The following FIP1L1 variants were observed in gnomAD, a reference collection of about 807,000 sequenced individuals.
FIP1L1 encodes the protein pre-mRNA 3'-end-processing factor FIP1.
A neutral mutation model predicts 84.6 loss-of-function variants in FIP1L1; 21 were observed. The ratio of observed to expected loss-of-function variants is 0.25; its 90% confidence interval spans 0.18 to 0.36. The LOEUF is 0.36. Ranked by LOEUF, FIP1L1 falls within the 10% of genes least tolerant of loss-of-function variation. The pLI is 1.00. For synonymous variants in FIP1L1, 263 were observed against 242.3 expected (o/e 1.09, Z -0.80); for missense variants, 526 against 751.1 (o/e 0.70, Z 3.50).
chr4:53,459,553 G>A lies in FIP1L1; in HGVS notation c.*104G>A. Reference sequence around the variant, plus strand: ...AGAAATTTACCTTAAATCTTGTTCTGTTTGTTAGTATGAAAAGTTAACTTT... The same window carrying A: ...AGAAATTTACCTTAAATCTTGTTCTATTTGTTAGTATGAAAAGTTAACTTT... On this transcript the variant is annotated 3_prime_UTR_variant, in exon 18 of 18. Transcript: ENST00000337488. 1 of 1,497,942 alleles carries A rather than the reference G, an allele frequency of 6.7e-7. No homozygotes were observed. The highest frequency in any genetic ancestry group is 9.1e-7 in the Non-Finnish European group (1 of 1,093,780). 92.8% of individuals were successfully genotyped at this position (1,497,942 alleles called of 1,614,324 possible).
chr4:53,393,556 G>A (rs1273664182), intron 9 of FIP1L1, among the ~76,000 whole-genome samples: 1 of 146,010 alleles, frequency 6.8e-6, no homozygotes, highest in Non-Finnish European at 1.5e-5. Context: ...TTTTTAAAAA[G>A]CAAAATAAAA....
chr4:53,411,571 T>A (rs1757244704), intron 10 of FIP1L1, among the ~76,000 whole-genome samples: 1 of 152,116 alleles, frequency 6.6e-6, no homozygotes, highest in Non-Finnish European at 1.5e-5. Context: ...AAACAGTAAA[T>A]GTTATTCATA....
intron 5 of FIP1L1, among the ~76,000 whole-genome samples, chr4:53,385,029 A>G (rs1414907121): frequency 6.6e-6 from 1 of 152,120 alleles, no homozygotes. Flanking sequence ...TACCCATGTA[A>G]TTTTAAAATC....
At chr4:53,417,660 A>G (rs1293052720) in intron 11 of FIP1L1, among the ~76,000 whole-genome samples, 3 of 150,288 alleles carry the variant, frequency 2.0e-5, no homozygotes, top group Non-Finnish European at 4.4e-5. Context: ...AAAAAAAAAA[A>G]AAAAAAGAAA....
At chr4:53,452,131 C>T (rs1716421598) in intron 15 of FIP1L1, among the ~76,000 whole-genome samples, 1 of 152,104 alleles carries the variant, frequency 6.6e-6, no homozygotes, top group Non-Finnish European at 1.5e-5. Context: ...ATCCACCCAC[C>T]TCGGCCTCCC....
At chr4:53,393,838 T>C (rs1745804514) in intron 9 of FIP1L1, among the ~76,000 whole-genome samples, 3 of 146,020 alleles carry the variant, frequency 2.1e-5, no homozygotes, top group South Asian at 2.2e-4. Flanking sequence ...TTTACAGTTA[T>C]GTGTCTTGGT....
At chr4:53,434,918 A>G (rs996349068) in intron 13 of FIP1L1, among the ~76,000 whole-genome samples, 1 of 152,202 alleles carries the variant, frequency 6.6e-6, no homozygotes, top group African/African-American at 2.4e-5. Flanking sequence ...CCCTTGAGGA[A>G]GTACACTTTT....
At chr4:53,384,630 G>A (rs2054589) in intron 5 of FIP1L1, among the ~76,000 whole-genome samples, 19,754 of 152,092 alleles carry the variant, frequency 0.13, 2,559 homozygotes, top group African/African-American at 0.32. Flanking sequence ...TTAGGCCAAT[G>A]TTTGTCTCCA....
chr4:53,411,008 A>G (rs1181761577), intron 10 of FIP1L1, among the ~76,000 whole-genome samples: 2 of 152,308 alleles, frequency 1.3e-5, no homozygotes, highest in African/African-American at 4.8e-5. Context: ...TTTTCTTGAA[A>G]TTAATGGCCA....
Position 53,460,792 on chromosome 4 carries a change from G to A in FIP1L1, c.*1343G>A. On this transcript the variant is annotated 3_prime_UTR_variant, in exon 18 of 18. Transcript: ENST00000337488. ...TTCATTAGATGATCATACTTTTCCT[G>A]ACATTTTTACAATGTATTCTTTCTT... 1 of 1,079,086 alleles carries A rather than the reference G, an allele frequency of 9.3e-7. No individual in the cohort carries two copies. The allele number at this position is 1,079,086 out of a possible 1,614,324, so 66.8% of individuals were successfully genotyped here. A position where few individuals can be genotyped will look rare whatever the true frequency, so the allele number is the denominator to read the frequency against.
intron 12 of FIP1L1, among the ~76,000 whole-genome samples, chr4:53,426,191 A>G (rs1764267948): frequency 6.6e-6 from 1 of 152,072 alleles, no homozygotes. Flanking sequence ...GTAGAAACAT[A>G]GTACAGGTTG....
At chr4:53,381,208 G>A (rs949233400) in intron 3 of FIP1L1, among the ~76,000 whole-genome samples, 5 of 152,148 alleles carry the variant, frequency 3.3e-5, no homozygotes, top group Admixed American at 6.5e-5. Context: ...ACTTCCAAAA[G>A]AGTAGGCCTA....
In FIP1L1 at chr4:53,432,623, T is replaced by C. The variant is rs1767291337; in HGVS notation, c.1174+4440T>C. On this transcript the variant is annotated intron_variant, in intron 13 of 17. Coordinates refer to ENST00000337488, the MANE Select transcript of FIP1L1 (RefSeq NM_030917.4). ...TGAATGCTCACTTTTCAGGGTACTA[T>C]TCTGAGTACATTCCATGTGTTAACT... Among the ~76,000 whole-genome samples, 4 of 152,320 alleles carry C rather than the reference T, an allele frequency of 2.6e-5. No homozygotes were observed. In the South Asian group the frequency reaches 8.3e-4, roughly 32 times the overall value.
intron 16 of FIP1L1, among the ~76,000 whole-genome samples, chr4:53,458,366 A>G: frequency 6.6e-6 from 1 of 152,170 alleles, no homozygotes; most frequent in East Asian, 1.9e-4. Flanking sequence ...TGAAAAAACC[A>G]AAGCATTGTT....
In FIP1L1 at chr4:53,442,845, G is replaced by T. The variant is rs1772580266; in HGVS notation, c.1229+138G>T. On this transcript the variant is annotated intron_variant, in intron 14 of 17. Coordinates refer to ENST00000337488, the MANE Select transcript of FIP1L1 (RefSeq NM_030917.4). ...AATTTATAAATCTAGATCTATGTTA[G>T]TTACTTTTATATAAGATGTTGGACC... The T allele has an allele frequency of 1.3e-5, 7 of 545,850 alleles. No homozygotes were observed. In the East Asian group the frequency reaches 2.1e-4, roughly 16 times the overall value. 33.8% of individuals were successfully genotyped at this position (545,850 alleles called of 1,614,324 possible). A position where few individuals can be genotyped will look rare whatever the true frequency, so the allele number is the denominator to read the frequency against.
At chr4:53,437,352 A>G (rs79293608) in intron 13 of FIP1L1, among the ~76,000 whole-genome samples, 94 of 139,868 alleles carry the variant, frequency 6.7e-4, no homozygotes, top group East Asian at 1.5e-3. Context: ...AAAAAAAAAA[A>G]AGAGAGAGAA....
chr4:53,392,561 T>C (rs1744824958), intron 9 of FIP1L1, among the ~76,000 whole-genome samples: 1 of 152,256 alleles, frequency 6.6e-6, no homozygotes, highest in Non-Finnish European at 1.5e-5. Context: ...ATATAGGCAT[T>C]GAATATATTA....
At position 53,412,954 on chromosome 4, in the gene FIP1L1, C is replaced by T. The variant is rs76918540; in HGVS notation, c.816-1661C>T. ...GCATTCTACTTTAAAAATGAGCTTT[C>T]CCACTCCGCCACTTATCACTTAGAC... On this transcript the variant is annotated intron_variant, in intron 10 of 17. Transcript: ENST00000337488. Among the ~76,000 whole-genome samples the T allele has an allele frequency of 8.7e-3, 1,330 of 152,176 alleles. 23 individuals are homozygous for T. The highest frequency in any genetic ancestry group is 0.03 in the African/African-American group (1,257 of 41,544).
intron 11 of FIP1L1, among the ~76,000 whole-genome samples, chr4:53,419,840 C>CA (rs1473673249): frequency 6.6e-6 from 1 of 152,098 alleles, no homozygotes; most frequent in Non-Finnish European, 1.5e-5. Context: ...CAGCCAGGCG[C>CA]AATGGCTCAC....
Sources: allele counts gnomAD v4.1 joint callset (sites outside exome capture counted in the v4.1 genomes callset), GRCh38; gene constraint gnomAD v4.1.1; transcripts MANE v1.5; gene names NCBI Gene and HGNC (gene_info 2026-07-23, HGNC 2026-07-21).